Variants in NR2F2 observed in about 807,000 individuals in gnomAD.
NR2F2 encodes the protein nuclear receptor subfamily 2 group F member 2, also known as COUP transcription factor 2.
NR2F2 carries 2 observed loss-of-function variants against 34.8 expected under a neutral mutation model. The ratio of observed to expected loss-of-function variants is 0.06; its 90% confidence interval spans 0.02 to 0.18. The LOEUF (loss-of-function observed/expected upper bound fraction) is 0.18. NR2F2 is among the 10% of genes least tolerant of loss of function. The pLI is 1.00. For synonymous variants in NR2F2, 274 were observed against 251.8 expected (o/e 1.09, Z -0.84); for missense variants, 300 against 580.1 (o/e 0.52, Z 4.96).
Position 96,331,724 on chromosome 15 carries a change from G to A in NR2F2, c.-382G>A, listed in dbSNP as rs1465145512. On this transcript the variant is annotated 5_prime_UTR_variant, in exon 1 of 3. Coordinates refer to ENST00000394166, the MANE Select transcript of NR2F2 (RefSeq NM_021005.4). ...TTTTGCCTCCTACTTCTGTCTTGAA[G>A]CCAGACAATCGACTTCAGCTCTCCC... 5 of 1,041,206 alleles carry A rather than the reference G, an allele frequency of 4.8e-6. No homozygotes were observed. The highest frequency in any genetic ancestry group is 6.1e-6 in the Non-Finnish European group (5 of 820,754). 64.5% of individuals were successfully genotyped at this position (1,041,206 alleles called of 1,614,324 possible).
At position 96,332,130 on chromosome 15, in the gene NR2F2, C is replaced by T; in HGVS notation, c.25C>T (p.Arg9Cys). ...TATGGCAATGGTAGTCAGCACGTGG[C>T]GCGACCCCCAGGACGAGGTGCCCGG... MAMVVSTW[R>C]DPQDEVPGSQ... Residue 9 changes from arginine to cysteine, a missense_variant, in exon 1 of 3, where the codon CGC (arginine) becomes TGC (cysteine). Arg to Cys is a radical substitution (Grantham distance 180, BLOSUM62 -3). This residue lies in a region of NR2F2 where 105 missense variants were observed against 107.8 expected (regional missense o/e 0.97). Coordinates refer to ENST00000394166, the MANE Select transcript of NR2F2 (RefSeq NM_021005.4). 3 of 1,356,718 alleles carry T rather than the reference C, an allele frequency of 2.2e-6. No individual in the cohort carries two copies. The highest frequency in any genetic ancestry group is 9.5e-7 in the Non-Finnish European group (1 of 1,054,376). The allele number at this position is 1,356,718 out of a possible 1,614,324, so 84.0% of individuals were successfully genotyped here.
intron 2 of NR2F2, 98 bp downstream of exon 2, chr15:96,334,701 T>G: frequency 7.5e-7 from 1 of 1,341,534 alleles, no homozygotes; most frequent in Non-Finnish European, 1.0e-6. Context: ...AGTCTGCTCC[T>G]TGAAAGGCCA....
chr15:96,332,737 GA>G (rs1899183462), intron 1 of NR2F2, 190 bp downstream of exon 1: 2 of 1,281,842 alleles, frequency 1.6e-6, no homozygotes, highest in Admixed American at 5.8e-5. Flanking sequence ...TTGGCCGACT[GA>G]TTTCCTTCTT....
chr15:96,328,852 G>A (rs541412271), upstream of NR2F2, among the ~76,000 whole-genome samples: 1 of 151,878 alleles, frequency 6.6e-6, no homozygotes, highest in Admixed American at 6.6e-5. Flanking sequence ...AAGAGTGAGG[G>A]CTGAGGTTTC....
chr15:96,330,693 G>A (rs1423530721), upstream of NR2F2: 2 of 190,070 alleles, frequency 1.1e-5, no homozygotes, highest in Non-Finnish European at 2.0e-5. Flanking sequence ...TCAGTGAGCT[G>A]ATCGCGGAGA....
upstream of NR2F2, among the ~76,000 whole-genome samples, chr15:96,330,281 T>C (rs1899092321): frequency 6.6e-6 from 1 of 152,070 alleles, no homozygotes; most frequent in Non-Finnish European, 1.5e-5. Context: ...CGCGGAGCCT[T>C]TAAGAGACGT....
intron 2 of NR2F2, among the ~76,000 whole-genome samples, chr15:96,336,722 C>T (rs1899338655): frequency 6.6e-6 from 1 of 152,038 alleles, no homozygotes; most frequent in South Asian, 2.1e-4. Context: ...AAAGAAACAG[C>T]TCAAATGAAC....
At chr15:96,334,626 C>A in intron 2 of NR2F2, 23 bp downstream of exon 2, 1 of 1,565,446 alleles carries the variant, frequency 6.4e-7, no homozygotes. Flanking sequence ...CCTGTCTTCT[C>A]GTGCCCACGG....
In NR2F2 at chr15:96,338,706, G is replaced by C. The variant is rs1272419904; in HGVS notation, c.*1084G>C. ...TTTTTTTTTTAAGTGCAACATTTCT[G>C]TATACTGTAAAAGTTATAATAACTG... is the stretch of plus-strand genomic sequence containing the variant. On this transcript the variant is annotated 3_prime_UTR_variant, in exon 3 of 3. Transcript: ENST00000394166. 1 of 152,206 alleles carries C rather than the reference G, an allele frequency of 6.6e-6. No homozygotes were observed. Among genetic ancestry groups the C allele is most frequent in the African/African-American group, 2.4e-5 (1 of 41,292 alleles). The allele number at this position is 152,206 out of a possible 1,614,324, so 9.4% of individuals were successfully genotyped here.
At chr15:96,336,597 A>G (rs1156788997) in intron 2 of NR2F2, among the ~76,000 whole-genome samples, 1 of 152,010 alleles carries the variant, frequency 6.6e-6, no homozygotes, top group Non-Finnish European at 1.5e-5. Context: ...CACGTATCAA[A>G]AAAGAAAAGT....
In NR2F2 at chr15:96,331,056, G is replaced by C; in HGVS notation, c.-1050G>C. On this transcript the variant is annotated 5_prime_UTR_variant, in exon 1 of 3. Transcript: ENST00000394166. The stretch of plus-strand genomic sequence containing the variant: ...CTATGTGTGTGAGGCGGCGGCGGCA[G>C]CAGCAGCAGCAGCGGCTCCGGCGGC... 8.1e-7 allele frequency: 1 copy of C among 1,240,278 alleles called. No individual in the cohort carries two copies. The highest frequency in any genetic ancestry group is 4.0e-5 in the South Asian group (1 of 25,114). The allele number at this position is 1,240,278 out of a possible 1,614,324, so 76.8% of individuals were successfully genotyped here.
Position 96,330,936 on chromosome 15 carries a change from C to T in NR2F2, c.-1170C>T, listed in dbSNP as rs559424716. On this transcript the variant is annotated 5_prime_UTR_variant, in exon 1 of 3. Coordinates refer to ENST00000394166, the MANE Select transcript of NR2F2 (RefSeq NM_021005.4). ...TCTTTCTCTCCGTCTTTTTCTCCCCCCTCTGCGCACGAAGGATGTGCTTCT... is the reference window on the plus strand; with the variant it reads ...TCTTTCTCTCCGTCTTTTTCTCCCCTCTCTGCGCACGAAGGATGTGCTTCT... 51 of 1,138,230 alleles carry T rather than the reference C, an allele frequency of 4.5e-5. No individual in the cohort carries two copies. Among genetic ancestry groups the T allele is most frequent in the East Asian group, 2.0e-4 (5 of 25,078 alleles). The allele number at this position is 1,138,230 out of a possible 1,614,324, so 70.5% of individuals were successfully genotyped here.
chr15:96,334,329 C>T lies in NR2F2; in HGVS notation c.696C>T (p.Phe232=), dbSNP rs141514117. 2 of 1,614,124 alleles carry T rather than the reference C, an allele frequency of 1.2e-6. No individual in the cohort carries two copies. Among genetic ancestry groups the T allele is most frequent in the African/African-American group, 2.7e-5 (2 of 74,942 alleles). Residue 232 remains phenylalanine (F), a synonymous_variant, in exon 2 of 3, where the codon TTC becomes TTT. Transcript: ENST00000394166. ...TCGAGTGGGCCCGGAACATCCCCTT[C>T]TTCCCCGACCTGCAGATCACGGACC... ...SAVEWARNIP[F]FPDLQITDQV... is the part of the protein sequence containing the mutation.
chr15:96,330,603 C>G (rs1567136668), upstream of NR2F2: 1 of 152,186 alleles, frequency 6.6e-6, no homozygotes, highest in African/African-American at 2.4e-5. Context: ...ACCCCGGCTG[C>G]TGCCTTATAA....
chr15:96,332,968 T>C (rs1381866010), intron 1 of NR2F2, among the ~76,000 whole-genome samples: 1 of 129,762 alleles, frequency 7.7e-6, no homozygotes, highest in African/African-American at 2.8e-5. Context: ...AAACCTGAGA[T>C]TGTACTTTTG....
At chr15:96,328,347 C>T (rs551892957), upstream of NR2F2, among the ~76,000 whole-genome samples, 5 of 152,254 alleles carry the variant, frequency 3.3e-5, no homozygotes, top group African/African-American at 1.2e-4. Flanking sequence ...TCTTCCTCCT[C>T]GATATTGTTC....
Position 96,331,872 on chromosome 15 carries a change from C to T in NR2F2, c.-234C>T. ...CCGAGAGAAACAAACAAAACAAACA[C>T]ACCGGGCCAGACAAGCCATCGACAA... On this transcript the variant is annotated 5_prime_UTR_variant, in exon 1 of 3. Coordinates refer to ENST00000394166, the MANE Select transcript of NR2F2 (RefSeq NM_021005.4). The T allele has an allele frequency of 2.5e-6, 3 of 1,206,188 alleles. No homozygotes were observed. The highest frequency in any genetic ancestry group is 4.3e-5 in the South Asian group (1 of 23,476). 74.7% of individuals were successfully genotyped at this position (1,206,188 alleles called of 1,614,324 possible).
chr15:96,333,492 C>T (rs1899219123), intron 1 of NR2F2: 5 of 1,003,312 alleles, frequency 5.0e-6, no homozygotes, highest in South Asian at 4.6e-5. Flanking sequence ...CCGCCCTCTC[C>T]CTCCGTCTCT....
intron 2 of NR2F2, 98 bp from the exon 3 acceptor site, chr15:96,337,250 C>T: frequency 7.1e-7 from 1 of 1,406,608 alleles, no homozygotes; most frequent in Non-Finnish European, 9.7e-7. Context: ...CCTCATGTGA[C>T]CCAATTCAAA....
Sources: gnomAD v4.1 joint callset for allele counts (sites outside exome capture counted in the v4.1 genomes callset) on GRCh38, gnomAD v4.1.1 for gene constraint, gnomAD v4.1.1 regional missense constraint, MANE v1.5 for transcripts, NCBI Gene and HGNC (gene_info 2026-07-23, HGNC 2026-07-21) for gene names.